The following TSHZ2 variants were observed in gnomAD, a reference collection of about 807,000 sequenced individuals.
The protein encoded by TSHZ2 is teashirt homolog 2.
Under a neutral mutation model 74.4 loss-of-function variants are expected in TSHZ2, and 21 were observed. That is an observed-to-expected ratio of 0.28 (90% CI 0.20 to 0.41). The LOEUF (loss-of-function observed/expected upper bound fraction) is 0.41. Ranked by LOEUF, TSHZ2 falls within the 10% of genes least tolerant of loss-of-function variation. TSHZ2 has a pLI of 1.00. For synonymous variants in TSHZ2, 540 were observed against 515.3 expected (o/e 1.05, Z -0.65); for missense variants, 1,244 against 1,293.5 (o/e 0.96, Z 0.59).
chr20:53,217,054 G>C (rs1007290920), intron 1 of TSHZ2, among the ~76,000 whole-genome samples: 1 of 152,206 alleles, frequency 6.6e-6, no homozygotes, highest in Admixed American at 6.5e-5. Context: ...TGCGGCATTA[G>C]AAAGTCTGTG....
At chr20:53,426,254 G>GT (rs1983651476) in intron 2 of TSHZ2, among the ~76,000 whole-genome samples, 1 of 152,186 alleles carries the variant, frequency 6.6e-6, no homozygotes, top group Non-Finnish European at 1.5e-5. Flanking sequence ...TCCTCAAGTT[G>GT]TAAGCTTTGG....
intron 2 of TSHZ2, among the ~76,000 whole-genome samples, chr20:53,402,682 TG>T (rs1982710021): frequency 6.6e-6 from 1 of 152,208 alleles, no homozygotes; most frequent in South Asian, 2.1e-4. Flanking sequence ...TGACATTCGA[TG>T]CCTGACCTGA....
rs777988676 is a variant in TSHZ2 at position 53,254,750 on chromosome 20, C to T, written c.1292C>T (p.Ser431Leu). Reference protein sequence around the residue: ...LDPLAVEKMQSLSEAPNSDSL... With the variant: ...LDPLAVEKMQLLSEAPNSDSL... ...CCGTTAGCAGTGGAGAAAATGCAGT[C>T]GTTGTCTGAGGCCCCAAACAGTGAT... The change falls in exon 2 of 3, where the codon TCG becomes TTG. Residue 431 changes from serine (S) to leucine (L), a missense_variant. Transcript: ENST00000371497. The T allele has an allele frequency of 9.3e-6, 15 of 1,613,406 alleles. No individual in the cohort carries two copies. The Middle Eastern group carries it at 5.0e-4, about 53-fold the overall frequency.
chr20:52,978,171 T>A (rs1366505222), intron 1 of TSHZ2, among the ~76,000 whole-genome samples: 1 of 152,178 alleles, frequency 6.6e-6, no homozygotes, highest in African/African-American at 2.4e-5. Context: ...TGAGTTGATC[T>A]GTTTCTTTTC....
intron 1 of TSHZ2, among the ~76,000 whole-genome samples, chr20:53,048,661 C>A (rs1984318630): frequency 1.3e-5 from 2 of 152,218 alleles, no homozygotes; most frequent in Admixed American, 1.3e-4. Context: ...ACCAGCAGCT[C>A]ATCACCATCA....
intron 2 of TSHZ2, among the ~76,000 whole-genome samples, chr20:53,410,391 A>T (rs1041456055): frequency 3.3e-5 from 5 of 152,188 alleles, no homozygotes; most frequent in African/African-American, 1.2e-4. Flanking sequence ...TGTAAGAAAA[A>T]ACAGAGCAAA....
At chr20:53,301,864 G>T (rs1181527375) in intron 2 of TSHZ2, among the ~76,000 whole-genome samples, 2 of 152,162 alleles carry the variant, frequency 1.3e-5, no homozygotes, top group Non-Finnish European at 2.9e-5. Flanking sequence ...GTTTGAAAAG[G>T]CACCCCAGCC....
At chr20:53,138,509 C>G (rs186748178) in intron 1 of TSHZ2, among the ~76,000 whole-genome samples, 1 of 152,156 alleles carries the variant, frequency 6.6e-6, no homozygotes, top group South Asian at 2.1e-4. Flanking sequence ...TTCTCTCACC[C>G]TTAGTCACAT....
At chr20:53,181,610 C>T (rs527252560) in intron 1 of TSHZ2, among the ~76,000 whole-genome samples, 70 of 152,246 alleles carry the variant, frequency 4.6e-4, no homozygotes, top group South Asian at 4.6e-3. Context: ...AACTGTGGGC[C>T]GGACACGGTG....
intron 1 of TSHZ2, among the ~76,000 whole-genome samples, chr20:53,162,598 A>T (rs1468752182): frequency 6.6e-6 from 1 of 152,168 alleles, no homozygotes. Context: ...TCAGCCCAGG[A>T]CGTGACTGCA....
chr20:53,093,935 G>T (rs1320752546), intron 1 of TSHZ2, among the ~76,000 whole-genome samples: 3 of 151,440 alleles, frequency 2.0e-5, no homozygotes, highest in African/African-American at 7.3e-5. Context: ...ACCTTATCTA[G>T]GTACCACTTT....
In TSHZ2 at chr20:53,009,047, G is replaced by A. The variant is rs894478474; in HGVS notation, c.40+35714G>A. On this transcript the variant is annotated intron_variant, in intron 1 of 2. Transcript: ENST00000371497. Reference sequence around the variant, plus strand: ...TCTCTCTCTCAAAATATCTTGTACTGGCTGGGCATGGTGGCTCACACCTAT... The same window carrying A: ...TCTCTCTCTCAAAATATCTTGTACTAGCTGGGCATGGTGGCTCACACCTAT... Among the ~76,000 whole-genome samples, 7 of 143,470 alleles carry A rather than the reference G, an allele frequency of 4.9e-5. No individual in the cohort carries two copies. The South Asian group carries it at 8.8e-4, about 18-fold the overall frequency. The allele number at this position is 143,470 out of a possible 152,430, so 94.1% of individuals were successfully genotyped here. A position where few individuals can be genotyped will look rare whatever the true frequency, so the allele number is the denominator to read the frequency against.
intron 1 of TSHZ2, among the ~76,000 whole-genome samples, chr20:53,239,474 A>G (rs2123690918): frequency 6.6e-6 from 1 of 152,300 alleles, no homozygotes; most frequent in Admixed American, 6.5e-5. Context: ...CTGGGCATAT[A>G]AAGATAAACA....
At chr20:53,482,362 A>G (rs531633729) in intron 2 of TSHZ2, among the ~76,000 whole-genome samples, 1 of 152,322 alleles carries the variant, frequency 6.6e-6, no homozygotes, top group African/African-American at 2.4e-5. Flanking sequence ...AAGTTGACAC[A>G]AGGTGAAGCA....
chr20:53,404,853 A>G (rs1351751903), intron 2 of TSHZ2, among the ~76,000 whole-genome samples: 1 of 152,216 alleles, frequency 6.6e-6, no homozygotes, highest in African/African-American at 2.4e-5. Flanking sequence ...GCAGGATCAA[A>G]GAAGGGGAAC....
At chr20:53,128,939 T>C (rs1013349756) in intron 1 of TSHZ2, among the ~76,000 whole-genome samples, 5 of 152,064 alleles carry the variant, frequency 3.3e-5, no homozygotes, top group East Asian at 1.9e-4. Context: ...CACTTCCATA[T>C]GCGCCAGGAG....
chr20:53,331,180 G>A (rs1979707946), intron 2 of TSHZ2, among the ~76,000 whole-genome samples: 1 of 152,178 alleles, frequency 6.6e-6, no homozygotes, highest in Admixed American at 6.5e-5. Context: ...CAGTTGGTAG[G>A]GCATAGTGAT....
At chr20:53,340,765 C>A (rs1980165827) in intron 2 of TSHZ2, among the ~76,000 whole-genome samples, 1 of 152,146 alleles carries the variant, frequency 6.6e-6, no homozygotes, top group African/African-American at 2.4e-5. Context: ...GTGCCTCTAG[C>A]CCTCTCTTTC....
At chr20:53,420,613 C>T (rs953059941) in intron 2 of TSHZ2, among the ~76,000 whole-genome samples, 17 of 152,008 alleles carry the variant, frequency 1.1e-4, no homozygotes, top group African/African-American at 4.1e-4. Context: ...GTAGTCCCAG[C>T]TACTTGGGAC....
Sources: allele counts gnomAD v4.1 joint callset (sites outside exome capture counted in the v4.1 genomes callset), GRCh38; gene constraint gnomAD v4.1.1; transcripts MANE v1.5; gene names NCBI Gene and HGNC (gene_info 2026-07-23, HGNC 2026-07-21).